The following WDR33 variants were observed in gnomAD, a reference collection of about 807,000 sequenced individuals.
WDR33 encodes the protein pre-mRNA 3' end processing protein WDR33.
Under a neutral mutation model 164.9 loss-of-function variants are expected in WDR33, and 47 were observed. That is an observed-to-expected ratio of 0.29 (90% CI 0.23 to 0.36). WDR33 has a LOEUF of 0.36. Among genes scored for constraint, WDR33 ranks in the 10% least tolerant of loss-of-function variants. The pLI is 1.00. For synonymous variants in WDR33, 505 were observed against 589.0 expected (o/e 0.86, Z 2.06); for missense variants, 1,137 against 1,754.1 (o/e 0.65, Z 6.28).
intron 1 of WDR33, among the ~76,000 whole-genome samples, chr2:127,802,001 TA>T (rs752818375): frequency 1.4e-5 from 2 of 147,558 alleles, no homozygotes; most frequent in Non-Finnish European, 3.0e-5. Context: ...GCCAACATGG[TA>T]AAACCCCGTC....
intron 7 of WDR33, among the ~76,000 whole-genome samples, chr2:127,751,045 T>C (rs1023661975): frequency 1.3e-5 from 2 of 151,700 alleles, no homozygotes; most frequent in African/African-American, 2.4e-5. Context: ...CTAAAAACTG[T>C]AAAACTAAAA....
At position 127,719,637 on chromosome 2, in the gene WDR33, A is replaced by C; in HGVS notation, c.2388T>G (p.Pro796=). 1 of 1,613,792 alleles carries C rather than the reference A, an allele frequency of 6.2e-7. No homozygotes were observed. The highest frequency in any genetic ancestry group is 1.1e-5 in the South Asian group (1 of 91,074). The change falls in exon 16 of 22, where the codon CCT becomes CCG. Residue 796 remains proline (P), a synonymous_variant. Transcript: ENST00000322313. This position sits in a 1 kb window ranked among gnomAD's most constrained non-coding sequence, Gnocchi z 6.5. ...GPPGPRENQG[P]APQGMIMGHP... ...GGCCCATAATCATCCCTTGGGGAGC[A>C]GGACCCTGGTTCTCCCGGGGGCCTG...
At chr2:127,794,546 A>G (rs1445535076) in intron 1 of WDR33, among the ~76,000 whole-genome samples, 1 of 150,836 alleles carries the variant, frequency 6.6e-6, no homozygotes, top group Non-Finnish European at 1.5e-5. Flanking sequence ...AGACAAGACG[A>G]AAGAGGTCAG....
chr2:127,769,407 C>T (rs1259438769), intron 2 of WDR33, among the ~76,000 whole-genome samples: 3 of 151,584 alleles, frequency 2.0e-5, no homozygotes, highest in African/African-American at 4.9e-5. Context: ...CTCCAGCCTG[C>T]GCAACAGAGC....
At chr2:127,711,096 A>G (rs751169873) in intron 18 of WDR33, among the ~76,000 whole-genome samples, 2 of 152,176 alleles carry the variant, frequency 1.3e-5, no homozygotes, top group Non-Finnish European at 2.9e-5. Context: ...AGCCTAGGCT[A>G]TGGGTCTGCA....
In WDR33 at chr2:127,710,795, C is replaced by G. The variant is rs7585200; in HGVS notation, c.3309-939G>C. On this transcript the variant is annotated intron_variant, in intron 18 of 21. Coordinates refer to ENST00000322313, the MANE Select transcript of WDR33 (RefSeq NM_018383.5). This position sits in a 1 kb window ranked among gnomAD's most constrained non-coding sequence, Gnocchi z 4.4. ...CAGGCCTCTGCTCTTCCTCAGGTTTCCATTCCATTGCCTTTATCCTAATCT... is the reference window on the plus strand; with the variant it reads ...CAGGCCTCTGCTCTTCCTCAGGTTTGCATTCCATTGCCTTTATCCTAATCT... Among the ~76,000 whole-genome samples the G allele has an allele frequency of 0.076, 11,548 of 152,272 alleles. 457 individuals carry two copies. The highest frequency in any genetic ancestry group is 0.092 in the Non-Finnish European group (6,226 of 68,010).
At chr2:127,793,324 G>A (rs942470073) in intron 1 of WDR33, among the ~76,000 whole-genome samples, 2 of 151,974 alleles carry the variant, frequency 1.3e-5, no homozygotes, top group South Asian at 2.1e-4. Context: ...CCACCTACTC[G>A]GGAGGCTAAG....
Position 127,701,823 on chromosome 2 carries a change from C to T in WDR33, c.*4500G>A, listed in dbSNP as rs1400357896. 4.6e-5 allele frequency: 67 copies of T among 1,457,918 alleles called. No individual in the cohort carries two copies. The highest frequency in any genetic ancestry group is 5.1e-5 in the Non-Finnish European group (57 of 1,109,402). 90.3% of individuals were successfully genotyped at this position (1,457,918 alleles called of 1,614,324 possible). A position where few individuals can be genotyped will look rare whatever the true frequency, so the allele number is the denominator to read the frequency against. On this transcript the variant is annotated 3_prime_UTR_variant, in exon 22 of 22. Coordinates refer to ENST00000322313, the MANE Select transcript of WDR33 (RefSeq NM_018383.5). Reference sequence around the variant, plus strand: ...TTTCGGCCTAGCCGCGCTCTACGCACCGGTGTTGCTGCTGCGCGCGCGCAA... The same window carrying T: ...TTTCGGCCTAGCCGCGCTCTACGCATCGGTGTTGCTGCTGCGCGCGCGCAA...
At chr2:127,707,229 T>TAAAAAAAAAAAAAAA (rs200273049) in intron 21 of WDR33, among the ~76,000 whole-genome samples, 1 of 122,592 alleles carries the variant, frequency 8.2e-6, no homozygotes, top group Non-Finnish European at 1.7e-5. Context: ...AGAATATATT[T>TAAAAAAAAAAAAAAA]AAAAAAAAAA....
chr2:127,762,750 G>C, intron 7 of WDR33: 4 of 1,107,114 alleles, frequency 3.6e-6, no homozygotes, highest in East Asian at 6.6e-5. Context: ...AATATGTTGG[G>C]AACAAGTACC....
In WDR33 at chr2:127,714,098, C is replaced by T. The variant is rs1686244457; in HGVS notation, c.2870-77G>A. 2.9e-6 allele frequency: 4 copies of T among 1,373,822 alleles called. No homozygotes were observed. The highest frequency in any genetic ancestry group is 3.8e-6 in the Non-Finnish European group (4 of 1,044,096). 85.1% of individuals were successfully genotyped at this position (1,373,822 alleles called of 1,614,324 possible). On this transcript the variant is annotated intron_variant, in intron 17 of 21. Coordinates refer to ENST00000322313, the MANE Select transcript of WDR33 (RefSeq NM_018383.5). The surrounding 1 kb of genome is among the most constrained non-coding windows in gnomAD (Gnocchi z 4.3). ...ATAGGTCTGATCTGTAGCATCTCTA[C>T]ATTTCAGAATACATTCTTTATTGAG...
Position 127,763,778 on chromosome 2 carries a change from C to T in WDR33, c.627-619G>A, listed in dbSNP as rs754780557. ...AGACTTGTGTGTAAAGCCAAAGAAT[C>T]TGCTGCAAGAAGGAGTCAGTTTTTC... is the stretch of plus-strand genomic sequence containing the variant. On this transcript the variant is annotated intron_variant, in intron 6 of 21. Coordinates refer to ENST00000322313, the MANE Select transcript of WDR33 (RefSeq NM_018383.5). The surrounding 1 kb of genome is among the most constrained non-coding windows in gnomAD (Gnocchi z 4.5). The T allele has an allele frequency of 2.6e-5, 26 of 985,520 alleles. No homozygotes were observed. Among genetic ancestry groups the T allele is most frequent in the Non-Finnish European group, 2.7e-5 (22 of 830,022 alleles). 61.0% of individuals were successfully genotyped at this position (985,520 alleles called of 1,614,324 possible).
chr2:127,719,207 T>G lies in WDR33; in HGVS notation c.2760+58A>C, dbSNP rs768731477. The G allele has an allele frequency of 2.9e-6, 4 of 1,362,762 alleles. No homozygotes were observed. Among genetic ancestry groups the G allele is most frequent in the Non-Finnish European group, 3.8e-6 (4 of 1,058,662 alleles). The allele number at this position is 1,362,762 out of a possible 1,614,324, so 84.4% of individuals were successfully genotyped here. On this transcript the variant is annotated intron_variant, in intron 16 of 21. Coordinates refer to ENST00000322313, the MANE Select transcript of WDR33 (RefSeq NM_018383.5). This position sits in a 1 kb window ranked among gnomAD's most constrained non-coding sequence, Gnocchi z 6.5. ...CCATTTTCCACAATACTCAGCAGTA[T>G]TACTTCTGTGCAGAGTGTATTTTCC...
intron 7 of WDR33, chr2:127,736,173 G>A (rs578034039): frequency 2.0e-6 from 2 of 985,378 alleles, no homozygotes; most frequent in Admixed American, 6.1e-5. Context: ...CTTTTCTCAA[G>A]AGTACTTCCA....
rs1325037316 is a variant in WDR33, at chr2:127,709,389, G to C, written c.3565+101C>G. On this transcript the variant is annotated intron_variant, in intron 20 of 21. Transcript: ENST00000322313. The surrounding 1 kb of genome is among the most constrained non-coding windows in gnomAD (Gnocchi z 5.0). The stretch of plus-strand genomic sequence containing the variant: ...GACAGCCCAGCCCCCCGGGAGACAT[G>C]AGCTGGAAAGAGGAGACCCGGTGCA... 8.8e-7 allele frequency: 1 copy of C among 1,135,912 alleles called. No homozygotes were observed. The highest frequency in any genetic ancestry group is 1.5e-5 in the African/African-American group (1 of 65,512). The allele number at this position is 1,135,912 out of a possible 1,614,324, so 70.4% of individuals were successfully genotyped here. A position where few individuals can be genotyped will look rare whatever the true frequency, so the allele number is the denominator to read the frequency against.
chr2:127,723,244 G>A lies in WDR33; in HGVS notation c.1291+9C>T. On this transcript the variant is annotated intron_variant, in intron 12 of 21. Transcript: ENST00000322313. This position sits in a 1 kb window ranked among gnomAD's most constrained non-coding sequence, Gnocchi z 5.9. ...ATTTCAAAGAAGGACAGATGTGCAA[G>A]AGTCTCACCATATTCTACTCCATCT... is the stretch of plus-strand genomic sequence containing the variant. 6.2e-7 allele frequency: 1 copy of A among 1,609,902 alleles called. No homozygotes were observed. Among genetic ancestry groups the A allele is most frequent in the Non-Finnish European group, 8.5e-7 (1 of 1,177,058 alleles).
Position 127,702,354 on chromosome 2 carries a change from G to GA in WDR33, c.*3968dup, listed in dbSNP as rs1685914881. 5.9e-6 allele frequency: 3 copies of GA among 511,082 alleles called. No individual in the cohort carries two copies. Among genetic ancestry groups the GA allele is most frequent in the Non-Finnish European group, 8.8e-6 (3 of 339,506 alleles). 31.7% of individuals were successfully genotyped at this position (511,082 alleles called of 1,614,324 possible). A position where few individuals can be genotyped will look rare whatever the true frequency, so the allele number is the denominator to read the frequency against. ...CCAGCGGAGGCGACAGCAGCGTTGG[G>GA]AGCTCCTCGATGTCAGCTTTTTGTG... On this transcript the variant is annotated 3_prime_UTR_variant, in exon 22 of 22. Coordinates refer to ENST00000322313, the MANE Select transcript of WDR33 (RefSeq NM_018383.5).
rs928845455 is a variant in WDR33, at chr2:127,723,044, T to C, written c.1292A>G (p.Asp431Gly). 2 of 1,606,234 alleles carry C rather than the reference T, an allele frequency of 1.2e-6. No homozygotes were observed. The highest frequency in any genetic ancestry group is 2.7e-5 in the African/African-American group (2 of 74,532). The change falls in exon 13 of 22, where the codon GAT (aspartate) becomes GGT (glycine). Residue 431 changes from aspartate to glycine, a missense_variant and splice_region_variant. By Grantham distance (94) the Asp-to-Gly change is moderately conservative. Around this residue, in one of 9 missense-constraint regions of WDR33, gnomAD observed 75 missense variants for 124.7 expected, o/e 0.60. Coordinates refer to ENST00000322313, the MANE Select transcript of WDR33 (RefSeq NM_018383.5). This position sits in a 1 kb window ranked among gnomAD's most constrained non-coding sequence, Gnocchi z 5.9. Reference protein sequence around the residue: ...PGMSEDGVEYDDLEPNSLAVI... With the variant: ...PGMSEDGVEYGDLEPNSLAVI... Reference sequence around the variant, plus strand: ...TGCCAGGCTATTAGGTTCGAGGTCATCTATAAATAGTAATACACCATTGTC... The same window carrying C: ...TGCCAGGCTATTAGGTTCGAGGTCACCTATAAATAGTAATACACCATTGTC...
Position 127,722,749 on chromosome 2 carries a change from G to C in WDR33, c.1379-19C>G. Reference sequence around the variant, plus strand: ...TCTTTCCCTGTAACCGTAAAGAAAAGTGGTTTGCCTCTTAAATAAAAGAAA... The same window carrying C: ...TCTTTCCCTGTAACCGTAAAGAAAACTGGTTTGCCTCTTAAATAAAAGAAA... On this transcript the variant is annotated intron_variant, in intron 13 of 21. Coordinates refer to ENST00000322313, the MANE Select transcript of WDR33 (RefSeq NM_018383.5). The surrounding 1 kb of genome is among the most constrained non-coding windows in gnomAD (Gnocchi z 5.1). 6.2e-7 allele frequency: 1 copy of C among 1,609,968 alleles called. No individual in the cohort carries two copies. Among genetic ancestry groups the C allele is most frequent in the African/African-American group, 1.3e-5 (1 of 74,750 alleles).
Sources: gnomAD v4.1 joint callset for allele counts (sites outside exome capture counted in the v4.1 genomes callset) on GRCh38, gnomAD v4.1.1 for gene constraint, gnomAD v4.1.1 regional missense constraint, Gnocchi (gnomAD v3.1) non-coding constraint, MANE v1.5 for transcripts, NCBI Gene and HGNC (gene_info 2026-07-23, HGNC 2026-07-21) for gene names.